The following GNAL variants were observed in gnomAD, a reference collection of about 807,000 sequenced individuals.
GNAL encodes the protein G protein subunit alpha L, also known as guanine nucleotide-binding protein G(olf) subunit alpha.
Under a neutral mutation model 55.1 loss-of-function variants are expected in GNAL, and 18 were observed. The observed-to-expected ratio is 0.33, with a 90% CI of 0.23 to 0.48. GNAL has a LOEUF of 0.48. GNAL is among the 20% of genes least tolerant of loss of function. The pLI is 0.99. For synonymous variants in GNAL, 253 were observed against 237.0 expected (o/e 1.07, Z -0.62); for missense variants, 412 against 614.1 (o/e 0.67, Z 3.48).
intron 5 of GNAL, among the ~76,000 whole-genome samples, chr18:11,831,250 G>A (rs945354086): frequency 1.3e-5 from 2 of 152,178 alleles, no homozygotes; most frequent in Admixed American, 1.3e-4. Flanking sequence ...CCATGGGCAC[G>A]GTCTAGGGGA....
At chr18:11,803,246 C>G (rs2034565888) in intron 4 of GNAL, among the ~76,000 whole-genome samples, 1 of 152,192 alleles carries the variant, frequency 6.6e-6, no homozygotes, top group Admixed American at 6.5e-5. Context: ...CCTTCCTCCC[C>G]ACAGCCCCTG....
At chr18:11,720,356 G>A (rs2032066118) in intron 1 of GNAL, among the ~76,000 whole-genome samples, 1 of 152,108 alleles carries the variant, frequency 6.6e-6, no homozygotes, top group South Asian at 2.1e-4. Flanking sequence ...CTAATAAAAA[G>A]AATGCAACTG....
intron 4 of GNAL, among the ~76,000 whole-genome samples, chr18:11,782,810 T>C (rs931385832): frequency 1.5e-4 from 23 of 152,250 alleles, no homozygotes; most frequent in African/African-American, 5.3e-4. Context: ...TGTATCTTTC[T>C]TCGTGCTGTG....
rs60071996 is a variant in GNAL at position 11,788,914 on chromosome 18, A to AAAAAAAAAAAT, written c.624+34970_624+34971insAAAAAAAAATA. Among the ~76,000 whole-genome samples the AAAAAAAAAAAT allele has an allele frequency of 7.6e-4, 43 of 56,294 alleles. 3 individuals carry two copies. Among genetic ancestry groups the AAAAAAAAAAAT allele is most frequent in the African/African-American group, 2.3e-3 (23 of 10,024 alleles). The allele number at this position is 56,294 out of a possible 152,430, so 36.9% of individuals were successfully genotyped here. A position where few individuals can be genotyped will look rare whatever the true frequency, so the allele number is the denominator to read the frequency against. On this transcript the variant is annotated intron_variant, in intron 4 of 11. Transcript: ENST00000334049. ...TCCGTCTCGAAAAAAAAAAAAAAAA[A>AAAAAAAAAAAT]ATATATATATATATATATATATACA...
intron 4 of GNAL, among the ~76,000 whole-genome samples, chr18:11,798,198 T>C (rs2034439258): frequency 6.6e-6 from 1 of 152,182 alleles, no homozygotes; most frequent in Admixed American, 6.5e-5. Context: ...TGAGACACCA[T>C]CTCTAAAATT....
intron 4 of GNAL, among the ~76,000 whole-genome samples, chr18:11,774,265 G>C (rs368421988): frequency 6.6e-6 from 1 of 152,232 alleles, no homozygotes; most frequent in African/African-American, 2.4e-5. Context: ...GAGTCAGGCT[G>C]TGGTGTTTTC....
intron 5 of GNAL, among the ~76,000 whole-genome samples, chr18:11,855,771 G>A (rs1448638829): frequency 6.6e-6 from 1 of 152,118 alleles, no homozygotes; most frequent in Non-Finnish European, 1.5e-5. Context: ...TTGGAAGTTC[G>A]AGACCAGCCT....
At chr18:11,804,025 G>A (rs985839258) in intron 4 of GNAL, among the ~76,000 whole-genome samples, 2 of 150,926 alleles carry the variant, frequency 1.3e-5, no homozygotes, top group Non-Finnish European at 2.9e-5. Flanking sequence ...GGAACACGGA[G>A]ATACTGTGTA....
In GNAL at chr18:11,690,461, AT is replaced by A. The variant is rs143200662; in HGVS notation, c.376+532del. ...GAGAAAGAACTTGAGCTGCACTTGC[AT>A]TTTTTTTTTATTATACTTTAAGTTT... On this transcript the variant is annotated intron_variant, in intron 1 of 11. Coordinates refer to ENST00000334049, the MANE Select transcript of GNAL (RefSeq NM_182978.4). Among the ~76,000 whole-genome samples the A allele has an allele frequency of 6.5e-3, 974 of 149,844 alleles. 9 individuals are homozygous for A. The highest frequency in any genetic ancestry group is 0.021 in the African/African-American group (844 of 40,976).
chr18:11,825,729 C>CAAAAAAAAAAAA (rs60460793), intron 5 of GNAL, among the ~76,000 whole-genome samples: 2 of 76,920 alleles, frequency 2.6e-5, no homozygotes, highest in African/African-American at 4.6e-5. Context: ...GACTCTGTCT[C>CAAAAAAAAAAAA]AAAAAAAAAA....
At chr18:11,777,849 C>T (rs2033825877) in intron 4 of GNAL, among the ~76,000 whole-genome samples, 1 of 152,174 alleles carries the variant, frequency 6.6e-6, no homozygotes, top group Non-Finnish European at 1.5e-5. Context: ...CAGGAGGAGA[C>T]TACCAGCATC....
chr18:11,725,510 A>G (rs1183078664), intron 1 of GNAL, among the ~76,000 whole-genome samples: 2 of 152,172 alleles, frequency 1.3e-5, no homozygotes, highest in Non-Finnish European at 2.9e-5. Flanking sequence ...CGAATATATC[A>G]TCCTTTTGGC....
chr18:11,760,716 G>A (rs1376790126), intron 4 of GNAL, among the ~76,000 whole-genome samples: 2 of 152,066 alleles, frequency 1.3e-5, no homozygotes, highest in African/African-American at 4.8e-5. Flanking sequence ...GGGACACAAG[G>A]GTGGACAGGG....
At chr18:11,717,047 G>A (rs2031985246) in intron 1 of GNAL, among the ~76,000 whole-genome samples, 1 of 152,244 alleles carries the variant, frequency 6.6e-6, no homozygotes, top group South Asian at 2.1e-4. Flanking sequence ...TGGAGGGTGG[G>A]GGAGGCTCAC....
Position 11,882,704 on chromosome 18 carries a change from A to AC in GNAL, c.*1571dup, listed in dbSNP as rs2036733171. 4.6e-5 allele frequency: 7 copies of AC among 151,188 alleles called. No individual in the cohort carries two copies. The South Asian group carries it at 1.5e-3, about 32-fold the overall frequency. 9.4% of individuals were successfully genotyped at this position (151,188 alleles called of 1,614,324 possible). Reference sequence around the variant, plus strand: ...CAGGCCAAAAAAAAAAAAAAAAAAAACCTTGACGTGTCAATGTTTGTGTCT... The same window carrying AC: ...CAGGCCAAAAAAAAAAAAAAAAAAAACCCTTGACGTGTCAATGTTTGTGTCT... On this transcript the variant is annotated 3_prime_UTR_variant, in exon 12 of 12. Coordinates refer to ENST00000334049, the MANE Select transcript of GNAL (RefSeq NM_182978.4).
At chr18:11,867,016 C>T (rs1326833303) in intron 7 of GNAL, 152 bp from the exon 8 acceptor site, 3 of 680,362 alleles carry the variant, frequency 4.4e-6, no homozygotes, top group Non-Finnish European at 8.0e-6. Flanking sequence ...CAGGATCACA[C>T]AGGGAGTGAT....
At chr18:11,725,612 T>A (rs566947402) in intron 1 of GNAL, among the ~76,000 whole-genome samples, 1 of 152,352 alleles carries the variant, frequency 6.6e-6, no homozygotes, top group Admixed American at 6.5e-5. Context: ...TGGCTCCATG[T>A]CTTTTCATGG....
chr18:11,806,674 G>A (rs1246506936), intron 4 of GNAL, among the ~76,000 whole-genome samples: 1 of 151,572 alleles, frequency 6.6e-6, no homozygotes, highest in Non-Finnish European at 1.5e-5. Context: ...AGGGAGGCTG[G>A]TGAAAGGGAA....
At chr18:11,694,467 C>T (rs1348379443) in intron 1 of GNAL, among the ~76,000 whole-genome samples, 5 of 152,172 alleles carry the variant, frequency 3.3e-5, no homozygotes, top group African/African-American at 9.7e-5. Context: ...GATATGCTCC[C>T]GTTTTAATTT....
Sources: gnomAD v4.1 joint callset for allele counts (sites outside exome capture counted in the v4.1 genomes callset) on GRCh38, gnomAD v4.1.1 for gene constraint, MANE v1.5 for transcripts, NCBI Gene and HGNC (gene_info 2026-07-23, HGNC 2026-07-21) for gene names.